GPC5: variants seen among roughly 807,000 people sequenced by gnomAD.
The protein encoded by GPC5 is glypican 5.
Under a neutral mutation model 53.9 loss-of-function variants are expected in GPC5, and 47 were observed. The observed-to-expected ratio is 0.87, with a 90% CI of 0.69 to 1.11. The LOEUF (loss-of-function observed/expected upper bound fraction) is 1.11, where lower values mean the gene tolerates loss of function less well. Among genes scored for constraint, GPC5 ranks in the 50% most tolerant of loss-of-function variants. The pLI is 0.00. For missense variants in GPC5, 748 were observed against 713.1 expected (o/e 1.05, Z -0.56); for synonymous variants, 286 against 263.3 (o/e 1.09, Z -0.84).
rs373213064 is a variant in GPC5 at position 92,208,815 on chromosome 13, C to T, written c.1561+63826C>T. ...TAAAGGATAACAAGCATATATAAGA[C>T]TAAAAACATAATTTATAGATCTGTT... On this transcript the variant is annotated intron_variant, in intron 7 of 7. Transcript: ENST00000377067. Among the ~76,000 whole-genome samples the T allele has an allele frequency of 9.9e-5, 15 of 152,218 alleles. No individual in the cohort carries two copies. In the East Asian group the frequency reaches 2.9e-3, roughly 29 times the overall value.
At chr13:92,351,404 A>G (rs1183707405) in intron 7 of GPC5, among the ~76,000 whole-genome samples, 1 of 151,912 alleles carries the variant, frequency 6.6e-6, no homozygotes, top group East Asian at 1.9e-4. Context: ...ATAAAATTAC[A>G]TTTAATATTA....
At chr13:92,212,176 G>C (rs1360392) in intron 7 of GPC5, among the ~76,000 whole-genome samples, 5,913 of 152,170 alleles carry the variant, frequency 0.039, 260 homozygotes, top group African/African-American at 0.11. Context: ...AGTTAGACAG[G>C]ACGGTGGAGA....
intron 2 of GPC5, among the ~76,000 whole-genome samples, chr13:91,607,308 G>GT (rs2033402192): frequency 6.6e-6 from 1 of 152,144 alleles, no homozygotes; most frequent in African/African-American, 2.4e-5. Flanking sequence ...CAGGCATTTC[G>GT]TAAGTCTTTA....
chr13:92,147,788 T>A (rs574873158), intron 7 of GPC5, among the ~76,000 whole-genome samples: 1 of 152,212 alleles, frequency 6.6e-6, no homozygotes, highest in South Asian at 2.1e-4. Flanking sequence ...TGCCTTTCAA[T>A]TTTTAATAAG....
At chr13:92,231,749 C>G (rs532430203) in intron 7 of GPC5, among the ~76,000 whole-genome samples, 1 of 151,986 alleles carries the variant, frequency 6.6e-6, no homozygotes, top group Non-Finnish European at 1.5e-5. Context: ...GGGCAGATCA[C>G]GAGATCAGGA....
intron 7 of GPC5, among the ~76,000 whole-genome samples, chr13:92,455,977 C>G (rs1389955134): frequency 7.9e-5 from 12 of 152,168 alleles, no homozygotes; most frequent in Non-Finnish European, 1.8e-4. Flanking sequence ...TTCAAAAAGA[C>G]CTTTCTCAAA....
At chr13:91,815,134 A>T (rs2138815635) in intron 5 of GPC5, among the ~76,000 whole-genome samples, 1 of 152,236 alleles carries the variant, frequency 6.6e-6, no homozygotes, top group Non-Finnish European at 1.5e-5. Flanking sequence ...GGGAGGACAA[A>T]GCAGGAGGAT....
chr13:91,423,627 C>T (rs9589225), intron 1 of GPC5, among the ~76,000 whole-genome samples: 18,402 of 152,030 alleles, frequency 0.12, 1,999 homozygotes, highest in African/African-American at 0.3. Flanking sequence ...AAGGCTACAA[C>T]GTTTCAGTTA....
At chr13:91,748,705 C>A (rs927289632) in intron 4 of GPC5, among the ~76,000 whole-genome samples, 3 of 151,964 alleles carry the variant, frequency 2.0e-5, no homozygotes, top group Non-Finnish European at 4.4e-5. Flanking sequence ...TAGGCAGGGG[C>A]TAGATGAGAA....
In GPC5 at chr13:91,693,208, A is replaced by C. The variant is rs1241874478; in HGVS notation, c.347A>C (p.Lys116Thr). 5.6e-6 allele frequency: 9 copies of C among 1,613,282 alleles called. No homozygotes were observed. The highest frequency in any genetic ancestry group is 1.7e-4 in the Middle Eastern group (1 of 6,052). Residue 116 changes from lysine to threonine, a missense_variant, in exon 3 of 8, where the codon AAA becomes ACA. Physicochemically the swap from Lys to Thr is moderately conservative, Grantham distance 78. Coordinates refer to ENST00000377067, the MANE Select transcript of GPC5 (RefSeq NM_004466.6). ...ACAGAAACCCTTGAAACTCTCATCA[A>C]ACAAGCAGAAAATTACACCAGTATA... Reference protein sequence around the residue: ...AFQETLETLIKQAENYTSILF... With the variant: ...AFQETLETLITQAENYTSILF...
chr13:92,516,355 ATATT>A (rs1456457267), intron 7 of GPC5, among the ~76,000 whole-genome samples: 1 of 152,188 alleles, frequency 6.6e-6, no homozygotes, highest in Non-Finnish European at 1.5e-5. Context: ...AACTATAAAA[ATATT>A]TATACCTGTG....
At chr13:92,305,139 A>G (rs2043102534) in intron 7 of GPC5, among the ~76,000 whole-genome samples, 1 of 152,202 alleles carries the variant, frequency 6.6e-6, no homozygotes, top group African/African-American at 2.4e-5. Context: ...AGAATGTCCT[A>G]TTGTCATCAG....
intron 2 of GPC5, among the ~76,000 whole-genome samples, chr13:91,648,657 A>G (rs2034620263): frequency 6.6e-6 from 1 of 152,190 alleles, no homozygotes; most frequent in South Asian, 2.1e-4. Context: ...TTAACTTTTT[A>G]CTGTATAGTC....
rs186179240 is a variant in GPC5, at chr13:91,481,659, A to T, written c.325+32737A>T. Among the ~76,000 whole-genome samples the T allele has an allele frequency of 3.9e-5, 6 of 152,228 alleles. No homozygotes were observed. The East Asian group carries it at 1.2e-3, about 29-fold the overall frequency. On this transcript the variant is annotated intron_variant, in intron 2 of 7. Coordinates refer to ENST00000377067, the MANE Select transcript of GPC5 (RefSeq NM_004466.6). ...AGTCCTGAATGCATAAATTGCTTCT[A>T]CTTAATTATCGAAAGCTGCTGGGTA...
chr13:92,432,119 G>A (rs1440886440), intron 7 of GPC5, among the ~76,000 whole-genome samples: 1 of 152,120 alleles, frequency 6.6e-6, no homozygotes, highest in Non-Finnish European at 1.5e-5. Flanking sequence ...CTTATAAGAA[G>A]AGAAACCAGA....
At chr13:91,886,963 T>C (rs1466530714) in intron 5 of GPC5, among the ~76,000 whole-genome samples, 2 of 152,136 alleles carry the variant, frequency 1.3e-5, no homozygotes, top group Non-Finnish European at 2.9e-5. Context: ...GGCCCTCTTC[T>C]CACAGCTTCA....
chr13:92,416,711 A>G (rs2209835), intron 7 of GPC5, among the ~76,000 whole-genome samples: 3,932 of 152,310 alleles, frequency 0.026, 132 homozygotes, highest in East Asian at 0.12. Flanking sequence ...AAAATGAAAA[A>G]TAGATAAATT....
intron 7 of GPC5, among the ~76,000 whole-genome samples, chr13:92,408,793 TAACTA>T (rs1875914861): frequency 1.3e-5 from 2 of 152,062 alleles, no homozygotes; most frequent in African/African-American, 4.8e-5. Context: ...AAATAAAGAA[TAACTA>T]AGGTAGTTTT....
At chr13:91,903,157 C>T (rs2039516471) in intron 5 of GPC5, among the ~76,000 whole-genome samples, 1 of 151,416 alleles carries the variant, frequency 6.6e-6, no homozygotes, top group Admixed American at 6.6e-5. Flanking sequence ...ATAACTGATT[C>T]GTTTTAAAAT....
Sources: allele counts gnomAD v4.1 joint callset (sites outside exome capture counted in the v4.1 genomes callset), GRCh38; gene constraint gnomAD v4.1.1; transcripts MANE v1.5; gene names NCBI Gene and HGNC (gene_info 2026-07-23, HGNC 2026-07-21).